SLC11A2: variants seen among roughly 807,000 people sequenced by gnomAD.
SLC11A2 encodes natural resistance-associated macrophage protein 2.
A neutral mutation model predicts 68.0 loss-of-function variants in SLC11A2; 38 were observed. The observed-to-expected ratio is 0.56, with a 90% CI of 0.43 to 0.73. The LOEUF is 0.73. Ranked by LOEUF, SLC11A2 falls within the 30% of genes least tolerant of loss-of-function variation. The pLI is 0.00. For missense variants in SLC11A2, 517 were observed against 690.5 expected (o/e 0.75, Z 2.82); for synonymous variants, 242 against 250.6 (o/e 0.97, Z 0.32).
chr12:50,963,371 A>G, the SLC11A2 span, among the ~76,000 whole-genome samples: 2 of 47,984 alleles, frequency 4.2e-5, no homozygotes, highest in South Asian at 1.3e-3. Context: ...CTCCATCTCA[A>G]AAAAAAAAAA....
At chr12:50,954,180 T>C in the SLC11A2 span, 19 of 787,822 alleles carry the variant, frequency 2.4e-5, no homozygotes, top group African/African-American at 1.7e-4. Flanking sequence ...ATGTTTCTTA[T>C]AATTGAATTT....
At position 50,991,061 on chromosome 12, in the gene SLC11A2, T is replaced by C. The variant is rs2136183749; in HGVS notation, c.1422-113A>G. 1.3e-5 allele frequency: 13 copies of C among 968,270 alleles called. No homozygotes were observed. In the South Asian group the frequency reaches 1.6e-4, roughly 12 times the overall value. The allele number at this position is 968,270 out of a possible 1,614,324, so 60.0% of individuals were successfully genotyped here. A position where few individuals can be genotyped will look rare whatever the true frequency, so the allele number is the denominator to read the frequency against. ...TCAAAATGAATGGAAAAATTGTTCT[T>C]AATTTGAAAAAAAATGATTCTTCAT... is the stretch of plus-strand genomic sequence containing the variant. On this transcript the variant is annotated intron_variant, in intron 14 of 15. Coordinates refer to ENST00000262052, the MANE Select transcript of SLC11A2 (RefSeq NM_000617.3).
At chr12:50,994,451 T>C (rs1246708961) in intron 11 of SLC11A2, 93 bp downstream of exon 11, 2 of 808,180 alleles carry the variant, frequency 2.5e-6, no homozygotes, top group Admixed American at 1.8e-5. Context: ...AGAGGAGATA[T>C]GCTCATATCT....
At chr12:51,001,416 A>C (rs1285492563) in intron 5 of SLC11A2, among the ~76,000 whole-genome samples, 1 of 152,100 alleles carries the variant, frequency 6.6e-6, no homozygotes, top group East Asian at 1.9e-4. Context: ...AGAGAGAAGC[A>C]GAAAAGTTAA....
chr12:51,010,419 G>A (rs528766017), intron 2 of SLC11A2, among the ~76,000 whole-genome samples: 2 of 151,006 alleles, frequency 1.3e-5, no homozygotes, highest in Admixed American at 6.6e-5. Flanking sequence ...TCGGGAGGCT[G>A]AAGCAGGAGC....
the SLC11A2 span, chr12:50,961,020 C>T: frequency 0.17 from 279,652 of 1,610,138 alleles, 27,702 homozygotes; most frequent in East Asian, 0.5. Flanking sequence ...AGCTAAAGTA[C>T]AGAAGAGATC....
At chr12:50,955,002 T>C in the SLC11A2 span, among the ~76,000 whole-genome samples, 13 of 151,926 alleles carry the variant, frequency 8.6e-5, no homozygotes, top group Admixed American at 8.5e-4. Context: ...GAAGTGATAC[T>C]ATAATTAGGC....
chr12:51,005,018 C>T (rs1298738657), intron 4 of SLC11A2, 111 bp from the exon 5 acceptor site: 1 of 1,287,608 alleles, frequency 7.8e-7, no homozygotes, highest in African/African-American at 1.5e-5. Context: ...CAGAAAAGAG[C>T]CCAGGTCAAG....
At chr12:51,008,761 T>C in intron 2 of SLC11A2, 137 bp from the exon 3 acceptor site, 2 of 689,086 alleles carry the variant, frequency 2.9e-6, no homozygotes, top group Admixed American at 2.4e-5. Flanking sequence ...CAATTTATTT[T>C]GAATAGTTTA....
intron 5 of SLC11A2, among the ~76,000 whole-genome samples, chr12:51,004,286 A>C (rs1485983378): frequency 1.3e-5 from 2 of 152,234 alleles, no homozygotes; most frequent in Admixed American, 1.3e-4. Context: ...AAGAAGCTGC[A>C]GAGGACAGTG....
chr12:50,994,599 T>A lies in SLC11A2; in HGVS notation c.1022A>T (p.His341Leu), dbSNP rs747088305. The A allele has an allele frequency of 1.2e-6, 2 of 1,612,494 alleles. No homozygotes were observed. Among genetic ancestry groups the A allele is most frequent in the Admixed American group, 1.7e-5 (1 of 60,006 alleles). The change falls in exon 11 of 16, where the codon CAT (histidine) becomes CTT (leucine). Residue 341 changes from histidine (H) to leucine (L), a missense_variant. Physicochemically the swap from His to Leu is moderately conservative, Grantham distance 99. Transcript: ENST00000262052. The stretch of plus-strand genomic sequence containing the variant: ...GTTATCTTTAGGAAAGAGGCCAGCA[T>A]GAGGACTGCTGGTATTTGTACAGAC... ...VEVCTNTSSPHAGLFPKDNST... is the reference protein window; with the variant it reads ...VEVCTNTSSPLAGLFPKDNST...
chr12:51,028,223 C>T (rs1348110594), upstream of SLC11A2: 1 of 1,535,318 alleles, frequency 6.5e-7, no homozygotes, highest in Non-Finnish European at 8.7e-7. Flanking sequence ...GCTTCTTCCT[C>T]ATGGTGCAGA....
rs1204148888 is a variant in SLC11A2, at chr12:50,992,290, C to T, written c.1247G>A (p.Arg416His). The T allele has an allele frequency of 5.6e-6, 9 of 1,613,874 alleles. No individual in the cohort carries two copies. Among genetic ancestry groups the T allele is most frequent in the East Asian group, 2.2e-5 (1 of 44,886 alleles). ...WSRFARVVLT[R>H]SIAIIPTLLV... Reference sequence around the variant, plus strand: ...CAGAGTGGGGATGATGGCAATAGAGCGAGTCAGAACCACTCGGGCAAAGCG... The same window carrying T: ...CAGAGTGGGGATGATGGCAATAGAGTGAGTCAGAACCACTCGGGCAAAGCG... Residue 416 changes from arginine to histidine, a missense_variant, in exon 13 of 16, where the codon CGC becomes CAC. By Grantham distance (29) the Arg-to-His change is conservative. Coordinates refer to ENST00000262052, the MANE Select transcript of SLC11A2 (RefSeq NM_000617.3).
At chr12:50,953,826 T>A in the SLC11A2 span, 4 of 533,224 alleles carry the variant, frequency 7.5e-6, no homozygotes, top group African/African-American at 5.8e-5. Flanking sequence ...ATGAAAAAAT[T>A]CGGTAGTGAA....
At chr12:51,027,410 CCCA>C (rs528883412), upstream of SLC11A2, among the ~76,000 whole-genome samples, 325 of 152,052 alleles carry the variant, frequency 2.1e-3, 1 homozygote, top group African/African-American at 7.5e-3. Context: ...TATCTGCTGC[CCCA>C]CCAAGAGCAC....
At chr12:50,983,264 C>T (rs1023921893), downstream of SLC11A2, among the ~76,000 whole-genome samples, 1 of 152,142 alleles carries the variant, frequency 6.6e-6, no homozygotes, top group African/African-American at 2.4e-5. Context: ...TTTCTCTTCT[C>T]GAATACACCT....
chr12:50,998,424 C>G (rs1465583266), intron 8 of SLC11A2, among the ~76,000 whole-genome samples: 1 of 152,016 alleles, frequency 6.6e-6, no homozygotes, highest in Admixed American at 6.6e-5. Context: ...TTTTTATTAT[C>G]CATACTGAGC....
the SLC11A2 span, chr12:50,961,066 G>A: frequency 6.2e-7 from 1 of 1,613,858 alleles, no homozygotes; most frequent in Non-Finnish European, 8.5e-7. Flanking sequence ...CATGAGAGTT[G>A]CTGCCCAAGG....
At chr12:51,027,005 C>T (rs1944420764), upstream of SLC11A2, among the ~76,000 whole-genome samples, 4 of 152,194 alleles carry the variant, frequency 2.6e-5, no homozygotes, top group African/African-American at 9.6e-5. Flanking sequence ...GGAGAAACCC[C>T]GTCTTTACTA....
Sources: gnomAD v4.1 joint callset for allele counts (sites outside exome capture counted in the v4.1 genomes callset) on GRCh38, gnomAD v4.1.1 for gene constraint, MANE v1.5 for transcripts, NCBI Gene and HGNC (gene_info 2026-07-23, HGNC 2026-07-21) for gene names.